Variants in PCDHGB2 observed in about 807,000 individuals in gnomAD.
PCDHGB2 encodes protocadherin gamma-B2.
A neutral mutation model predicts 59.3 loss-of-function variants in PCDHGB2; 55 were observed. That is an observed-to-expected ratio of 0.93 (90% CI 0.75 to 1.16). PCDHGB2 has a LOEUF of 1.16. Among genes scored for constraint, PCDHGB2 ranks in the 50% most tolerant of loss-of-function variants. The probability of loss-of-function intolerance (pLI) is 0.00; values close to 1 mark genes in which losing one functional copy is unlikely to be tolerated. For synonymous variants in PCDHGB2, 516 were observed against 512.0 expected (o/e 1.01, Z -0.11); for missense variants, 1,228 against 1,198.5 (o/e 1.02, Z -0.36).
chr5:141,432,521 G>A lies in PCDHGB2; in HGVS notation c.2422-62286G>A. The stretch of plus-strand genomic sequence containing the variant: ...CCGCTCCGCAGAGCCCGGCTACCTG[G>A]TGACCAAGGTGGTGGCGGTGGACAG... On this transcript the variant is annotated intron_variant, in intron 1 of 3. Coordinates refer to ENST00000522605, the MANE Select transcript of PCDHGB2 (RefSeq NM_018923.3). The surrounding 1 kb of genome is among the most constrained non-coding windows in gnomAD (Gnocchi z 6.0). The A allele has an allele frequency of 6.2e-7, 1 of 1,614,112 alleles. No homozygotes were observed. Among genetic ancestry groups the A allele is most frequent in the Non-Finnish European group, 8.5e-7 (1 of 1,180,028 alleles).
chr5:141,505,592 A>T, intron 3 of PCDHGB2, 111 bp downstream of exon 3: 2 of 1,567,266 alleles, frequency 1.3e-6, no homozygotes, highest in Admixed American at 3.6e-5. Flanking sequence ...GTTTCTCCAG[A>T]TCTTTCGGCA....
At chr5:141,426,882 C>A (rs528411309) in intron 1 of PCDHGB2, 1 of 456,664 alleles carries the variant, frequency 2.2e-6, no homozygotes, top group African/African-American at 2.0e-5. Context: ...GCCCCTGGGC[C>A]AGGAGCAACA....
At chr5:141,499,168 C>T (rs1169979036) in intron 2 of PCDHGB2, among the ~76,000 whole-genome samples, 3 of 152,184 alleles carry the variant, frequency 2.0e-5, no homozygotes, top group African/African-American at 7.2e-5. Context: ...GTCTCAAGCT[C>T]TGAGCCCAGC....
At position 141,486,250 on chromosome 5, in the gene PCDHGB2, C is replaced by T; in HGVS notation, c.2422-8557C>T. 1 of 1,614,140 alleles carries T rather than the reference C, an allele frequency of 6.2e-7. No homozygotes were observed. The highest frequency in any genetic ancestry group is 2.2e-5 in the East Asian group (1 of 44,872). On this transcript the variant is annotated intron_variant, in intron 1 of 3. Coordinates refer to ENST00000522605, the MANE Select transcript of PCDHGB2 (RefSeq NM_018923.3). The surrounding 1 kb of genome is among the most constrained non-coding windows in gnomAD (Gnocchi z 5.0). ...CAGTGACCTCAGAGCTTGGAACCCT[C>T]CCCGAGAGTGCAGAACCTGGCACTG...
At chr5:141,370,379 A>G in intron 1 of PCDHGB2, 2 of 1,529,484 alleles carry the variant, frequency 1.3e-6, no homozygotes, top group Non-Finnish European at 1.8e-6. Flanking sequence ...AGAAAGGCAA[A>G]GGCGCAGAGA....
chr5:141,427,046 C>A (rs916723344), intron 1 of PCDHGB2: 6 of 457,244 alleles, frequency 1.3e-5, no homozygotes, highest in African/African-American at 2.0e-5. Flanking sequence ...AGAATGTGCC[C>A]CCAGGCACCT....
intron 1 of PCDHGB2, chr5:141,441,971 G>A: frequency 3.3e-6 from 1 of 298,820 alleles, no homozygotes; most frequent in Non-Finnish European, 6.5e-6. Flanking sequence ...AGGCTCTTCA[G>A]CCTGGAATGC....
At chr5:141,369,597 A>G (rs1199462765) in intron 1 of PCDHGB2, among the ~76,000 whole-genome samples, 1 of 152,230 alleles carries the variant, frequency 6.6e-6, no homozygotes, top group Non-Finnish European at 1.5e-5. Context: ...CTATACTTCT[A>G]TTTTATAAGG....
chr5:141,378,619 T>G (rs190214323), intron 1 of PCDHGB2: 1 of 152,306 alleles, frequency 6.6e-6, no homozygotes, highest in African/African-American at 2.4e-5. Context: ...TAAAAATAGA[T>G]GACTGACTGG....
rs959855220 is a variant in PCDHGB2, at chr5:141,476,280, G to A, written c.2422-18527G>A. 4 of 1,614,010 alleles carry A rather than the reference G, an allele frequency of 2.5e-6. No individual in the cohort carries two copies. In the African/African-American group the frequency reaches 5.3e-5, roughly 22 times the overall value. On this transcript the variant is annotated intron_variant, in intron 1 of 3. Transcript: ENST00000522605. This position sits in a 1 kb window ranked among gnomAD's most constrained non-coding sequence, Gnocchi z 7.6. ...GTGGGCAACGTGGTCGCGAACCTTG[G>A]TTTGGATCTCGGTAGCCTCTCAGCC...
chr5:141,425,585 A>T (rs1270579511), intron 1 of PCDHGB2, among the ~76,000 whole-genome samples: 1 of 152,252 alleles, frequency 6.6e-6, no homozygotes, highest in Non-Finnish European at 1.5e-5. Context: ...GGCTAACTTT[A>T]TTCTGAATAT....
At chr5:141,399,642 G>C (rs755191053) in intron 1 of PCDHGB2, 3 of 1,613,750 alleles carry the variant, frequency 1.9e-6, no homozygotes, top group Non-Finnish European at 2.5e-6. Flanking sequence ...CCATGAGCGC[G>C]CAAAGTGGGG....
At position 141,485,704 on chromosome 5, in the gene PCDHGB2, CTT is replaced by C; in HGVS notation, c.2422-9101_2422-9100del. On this transcript the variant is annotated intron_variant, in intron 1 of 3. Coordinates refer to ENST00000522605, the MANE Select transcript of PCDHGB2 (RefSeq NM_018923.3). The surrounding 1 kb of genome is among the most constrained non-coding windows in gnomAD (Gnocchi z 5.7). ...GCTATAGGCTGAGCTCCAATGAACA[CTT>C]TGCACTGGATGTGAAGAAGCGCAGC... is the stretch of plus-strand genomic sequence containing the variant. 6.2e-7 allele frequency: 1 copy of C among 1,614,180 alleles called. No homozygotes were observed. The highest frequency in any genetic ancestry group is 8.5e-7 in the Non-Finnish European group (1 of 1,180,032).
chr5:141,404,710 C>A (rs772390810), intron 1 of PCDHGB2: 1 of 1,614,014 alleles, frequency 6.2e-7, no homozygotes, highest in African/African-American at 1.3e-5. Flanking sequence ...AGCCTGGCTA[C>A]CTGGTGACCA....
intron 1 of PCDHGB2, chr5:141,424,778 T>G (rs1009835492): frequency 1.3e-5 from 2 of 152,166 alleles, no homozygotes; most frequent in African/African-American, 4.8e-5. Flanking sequence ...AATAGTACAT[T>G]CAGTTCTTTT....
At chr5:141,388,773 G>T (rs769358867) in intron 1 of PCDHGB2, 12 of 1,613,808 alleles carry the variant, frequency 7.4e-6, no homozygotes, top group Non-Finnish European at 9.3e-6. Context: ...CTCTAACACC[G>T]GGGAAATTAC....
intron 1 of PCDHGB2, chr5:141,405,288 T>C: frequency 6.2e-7 from 1 of 1,614,110 alleles, no homozygotes; most frequent in African/African-American, 1.3e-5. Context: ...GCAGACACAC[T>C]CATCAGCCAG....
intron 1 of PCDHGB2, chr5:141,394,811 C>G (rs1225635250): frequency 7.4e-6 from 12 of 1,613,770 alleles, no homozygotes; most frequent in Non-Finnish European, 1.0e-5. Flanking sequence ...CCGTGGCTGA[C>G]AGCATCCCCG....
chr5:141,419,259 C>A (rs765877993), intron 1 of PCDHGB2: 11 of 1,614,016 alleles, frequency 6.8e-6, no homozygotes, highest in Non-Finnish European at 9.3e-6. Flanking sequence ...AACAACCAGC[C>A]GGGTGCCTCC....
Sources: gnomAD v4.1 joint callset for allele counts (sites outside exome capture counted in the v4.1 genomes callset) on GRCh38, gnomAD v4.1.1 for gene constraint, Gnocchi (gnomAD v3.1) non-coding constraint, MANE v1.5 for transcripts, NCBI Gene and HGNC (gene_info 2026-07-23, HGNC 2026-07-21) for gene names.